The following CNTN4 variants were observed in gnomAD, a reference collection of about 807,000 sequenced individuals.
CNTN4 encodes the protein contactin 4, also known as contactin-4.
Under a neutral mutation model 122.5 loss-of-function variants are expected in CNTN4, and 77 were observed. That is an observed-to-expected ratio of 0.63 (90% CI 0.52 to 0.76). The LOEUF is 0.76. Ranked by LOEUF, CNTN4 falls within the 30% of genes least tolerant of loss-of-function variation. CNTN4 has a pLI of 0.00. For missense variants in CNTN4, 1,256 were observed against 1,259.1 expected (o/e 1.00, Z 0.04); for synonymous variants, 512 against 447.0 (o/e 1.15, Z -1.83).
intron 4 of CNTN4, among the ~76,000 whole-genome samples, chr3:2,716,948 T>G (rs2087532273): frequency 6.6e-6 from 1 of 152,244 alleles, no homozygotes; most frequent in Non-Finnish European, 1.5e-5. Flanking sequence ...TTGTCACATG[T>G]ATCCTTTTCA....
Position 2,118,260 on chromosome 3 carries a change from A to G in CNTN4, c.-145+17621A>G, listed in dbSNP as rs560833339. On this transcript the variant is annotated intron_variant, in intron 2 of 24. Coordinates refer to ENST00000418658, the MANE Select transcript of CNTN4 (RefSeq NM_175607.3). Reference sequence around the variant, plus strand: ...ATGCAGCTAATAAATGGCAATACTGATATCATATCAGATCCCAGGTATACC... The same window carrying G: ...ATGCAGCTAATAAATGGCAATACTGGTATCATATCAGATCCCAGGTATACC... Among the ~76,000 whole-genome samples, 7 of 152,350 alleles carry G rather than the reference A, an allele frequency of 4.6e-5. No individual in the cohort carries two copies. The South Asian group carries it at 1.4e-3, about 32-fold the overall frequency.
At chr3:2,263,505 A>G (rs935983214) in intron 2 of CNTN4, among the ~76,000 whole-genome samples, 4 of 152,160 alleles carry the variant, frequency 2.6e-5, no homozygotes, top group Middle Eastern at 6.3e-3. Context: ...AAATTGATAT[A>G]TAATAGTTTT....
At chr3:2,335,027 A>G (rs1441758332) in intron 2 of CNTN4, among the ~76,000 whole-genome samples, 3 of 152,178 alleles carry the variant, frequency 2.0e-5, no homozygotes, top group Non-Finnish European at 4.4e-5. Flanking sequence ...ACTATTTGCT[A>G]TTAGCTGAGA....
chr3:2,436,109 A>G (rs1283759670), intron 3 of CNTN4, among the ~76,000 whole-genome samples: 2 of 152,180 alleles, frequency 1.3e-5, no homozygotes, highest in Non-Finnish European at 2.9e-5. Context: ...GGAGCCAATT[A>G]TGACTTTATC....
intron 12 of CNTN4, among the ~76,000 whole-genome samples, chr3:2,914,274 A>G (rs1318919428): frequency 6.6e-6 from 1 of 152,186 alleles, no homozygotes; most frequent in Non-Finnish European, 1.5e-5. Context: ...AAACTGAAAA[A>G]TCAGTAGAAG....
chr3:2,272,636 T>C (rs562502539), intron 2 of CNTN4, among the ~76,000 whole-genome samples: 2 of 152,314 alleles, frequency 1.3e-5, no homozygotes, highest in East Asian at 1.9e-4. Flanking sequence ...CTTACTCTCA[T>C]TTGATTATTG....
chr3:2,787,146 G>A (rs1314408868), intron 6 of CNTN4, among the ~76,000 whole-genome samples: 2 of 152,178 alleles, frequency 1.3e-5, no homozygotes, highest in Non-Finnish European at 2.9e-5. Flanking sequence ...GGAGGCCGAG[G>A]CGGGTGGATC....
chr3:2,283,038 T>G (rs980783364), intron 2 of CNTN4, among the ~76,000 whole-genome samples: 4 of 152,112 alleles, frequency 2.6e-5, no homozygotes, highest in African/African-American at 9.7e-5. Flanking sequence ...TGGAGTTTCT[T>G]TAGAGGAAAA....
intron 14 of CNTN4, among the ~76,000 whole-genome samples, chr3:3,002,605 G>C (rs921625653): frequency 1.3e-5 from 2 of 152,114 alleles, no homozygotes; most frequent in African/African-American, 4.8e-5. Flanking sequence ...TGTACATCTG[G>C]GGGCTGGTTC....
chr3:3,043,709 G>A lies in CNTN4; in HGVS notation c.2811+5G>A. 1 of 1,599,982 alleles carries A rather than the reference G, an allele frequency of 6.3e-7. No individual in the cohort carries two copies. On this transcript the variant is annotated splice_donor_5th_base_variant and intron_variant, in intron 23 of 24. Transcript: ENST00000418658. ...TCGGAAGTAAAAGGATACAAAGTAG[G>A]TAATTTCTTTTTTGCAAAGGCACCT...
At chr3:2,913,146 T>G (rs1005485327) in intron 12 of CNTN4, among the ~76,000 whole-genome samples, 1 of 152,126 alleles carries the variant, frequency 6.6e-6, no homozygotes, top group Non-Finnish European at 1.5e-5. Context: ...AGTGAGACTC[T>G]GTCTCAAAAA....
intron 6 of CNTN4, among the ~76,000 whole-genome samples, chr3:2,777,047 C>G (rs893061000): frequency 2.6e-5 from 4 of 152,202 alleles, no homozygotes; most frequent in African/African-American, 9.6e-5. Context: ...GTGGCTCAAT[C>G]TTGGTTCACT....
chr3:2,428,593 G>A (rs2047936418), intron 3 of CNTN4, among the ~76,000 whole-genome samples: 2 of 152,104 alleles, frequency 1.3e-5, no homozygotes, highest in Admixed American at 1.3e-4. Flanking sequence ...TGCATTCTCT[G>A]TATTTCCTGA....
chr3:2,217,185 A>G (rs1335661643), intron 2 of CNTN4, among the ~76,000 whole-genome samples: 1 of 152,060 alleles, frequency 6.6e-6, no homozygotes, highest in Non-Finnish European at 1.5e-5. Flanking sequence ...TTTCTGTGAC[A>G]TGAGTCTTCC....
chr3:2,821,619 A>G (rs989385235), intron 7 of CNTN4, among the ~76,000 whole-genome samples: 4 of 152,212 alleles, frequency 2.6e-5, no homozygotes, highest in African/African-American at 9.7e-5. Context: ...AAGGGAGAAC[A>G]TGGAGAGATG....
At chr3:3,051,268 C>T (rs1227032381) in intron 23 of CNTN4, among the ~76,000 whole-genome samples, 3 of 152,148 alleles carry the variant, frequency 2.0e-5, no homozygotes, top group African/African-American at 7.2e-5. Context: ...TTCCCCTTGT[C>T]TTCCACCCTA....
At chr3:2,653,715 G>A (rs1306095324) in intron 4 of CNTN4, among the ~76,000 whole-genome samples, 2 of 152,142 alleles carry the variant, frequency 1.3e-5, no homozygotes, top group Non-Finnish European at 2.9e-5. Context: ...TGGATAACAA[G>A]AAGATAGTCT....
At chr3:2,314,614 A>G (rs1177146943) in intron 2 of CNTN4, among the ~76,000 whole-genome samples, 2 of 151,956 alleles carry the variant, frequency 1.3e-5, no homozygotes, top group Non-Finnish European at 2.9e-5. Flanking sequence ...ATCCAAACAA[A>G]CAAGGTAACT....
chr3:2,960,307 C>T (rs2124983255), intron 13 of CNTN4, among the ~76,000 whole-genome samples: 1 of 152,266 alleles, frequency 6.6e-6, no homozygotes, highest in South Asian at 2.1e-4. Flanking sequence ...GCATTTCTCT[C>T]TTTTCTTGTC....
Sources: gnomAD v4.1 joint callset for allele counts (sites outside exome capture counted in the v4.1 genomes callset) on GRCh38, gnomAD v4.1.1 for gene constraint, MANE v1.5 for transcripts, NCBI Gene and HGNC (gene_info 2026-07-23, HGNC 2026-07-21) for gene names.